KCNT2: variants seen among roughly 807,000 people sequenced by gnomAD.
The protein encoded by KCNT2 is potassium channel subfamily T member 2.
Under a neutral mutation model 153.8 loss-of-function variants are expected in KCNT2, and 67 were observed. The observed-to-expected ratio is 0.44, with a 90% CI of 0.36 to 0.53. The LOEUF (loss-of-function observed/expected upper bound fraction) is 0.53. Among genes scored for constraint, KCNT2 ranks in the 20% least tolerant of loss-of-function variants. The pLI is 0.00. For synonymous variants in KCNT2, 500 were observed against 458.8 expected (o/e 1.09, Z -1.15); for missense variants, 975 against 1,354.8 (o/e 0.72, Z 4.40).
chr1:196,269,239 C>T (rs1558084572), intron 25 of KCNT2, among the ~76,000 whole-genome samples: 1 of 152,146 alleles, frequency 6.6e-6, no homozygotes, highest in South Asian at 2.1e-4. Flanking sequence ...ATATGTTGAG[C>T]ACTTGTGCAA....
intron 22 of KCNT2, among the ~76,000 whole-genome samples, chr1:196,303,424 T>C (rs1281286052): frequency 6.6e-6 from 1 of 152,206 alleles, no homozygotes; most frequent in Non-Finnish European, 1.5e-5. Flanking sequence ...TTTTCCCTAA[T>C]GCAATAAGCA....
chr1:196,408,177 A>G (rs940158047), intron 12 of KCNT2, among the ~76,000 whole-genome samples: 2 of 151,616 alleles, frequency 1.3e-5, no homozygotes, highest in South Asian at 2.1e-4. Flanking sequence ...TTTTCACTAC[A>G]TGGGGCCACA....
chr1:196,351,280 T>C (rs1451092053), intron 14 of KCNT2, among the ~76,000 whole-genome samples: 2 of 152,186 alleles, frequency 1.3e-5, no homozygotes, highest in Non-Finnish European at 2.9e-5. Flanking sequence ...ATTGAATCTA[T>C]AAATTACCTT....
Position 196,340,423 on chromosome 1 carries a change from G to T in KCNT2, c.1701C>A (p.Asp567Glu), listed in dbSNP as rs985150462. The change falls in exon 16 of 28, where the codon GAC becomes GAA. Residue 567 changes from aspartate (D) to glutamate (E), a missense_variant. Physicochemically the swap from Asp to Glu is conservative, Grantham distance 45. This residue lies in a region of KCNT2 where 325 missense variants were observed against 388.1 expected (regional missense o/e 0.84). Coordinates refer to ENST00000294725, the MANE Select transcript of KCNT2 (RefSeq NM_198503.5). ...KEENSAFKNQ[D>E]QQRKSNVSRS... ...TGGACACATTGCTTTTTCTCTGCTG[G>T]TCTTGGTTTTTAAATGCTGAATTCT... The T allele has an allele frequency of 1.2e-6, 2 of 1,612,608 alleles. No individual in the cohort carries two copies. The highest frequency in any genetic ancestry group is 1.7e-5 in the Admixed American group (1 of 59,858).
intron 20 of KCNT2, among the ~76,000 whole-genome samples, chr1:196,316,305 CATGAAATAT>C (rs1258621151): frequency 6.6e-5 from 10 of 151,496 alleles, no homozygotes; most frequent in African/African-American, 1.7e-4. Context: ...TAATTATATA[CATGAAATAT>C]GGAATACATC....
At chr1:196,346,797 A>G (rs1470293856) in intron 14 of KCNT2, among the ~76,000 whole-genome samples, 1 of 152,182 alleles carries the variant, frequency 6.6e-6, no homozygotes, top group East Asian at 1.9e-4. Context: ...TTCTGCCACA[A>G]CATCTCACCC....
intron 1 of KCNT2, among the ~76,000 whole-genome samples, chr1:196,531,932 T>G (rs1184938674): frequency 6.6e-6 from 1 of 152,076 alleles, no homozygotes; most frequent in Admixed American, 6.6e-5. Context: ...CTAAATAGGT[T>G]TATCTGTGAG....
intron 14 of KCNT2, among the ~76,000 whole-genome samples, chr1:196,349,601 A>AGCCTTATTTCC (rs1666447489): frequency 1.3e-5 from 2 of 152,132 alleles, no homozygotes; most frequent in Admixed American, 1.3e-4. Flanking sequence ...GGTACACCCT[A>AGCCTTATTTCC]TAGACTCTAG....
intron 1 of KCNT2, among the ~76,000 whole-genome samples, chr1:196,564,243 T>A (rs1164985616): frequency 6.6e-6 from 1 of 151,624 alleles, no homozygotes; most frequent in Non-Finnish European, 1.5e-5. Flanking sequence ...TGAAAAAAAA[T>A]TCTTAATCCT....
At chr1:196,235,871 CT>C in intron 27 of KCNT2, 114 bp downstream of exon 27, 1 of 622,188 alleles carries the variant, frequency 1.6e-6, no homozygotes, top group Non-Finnish European at 2.8e-6. Flanking sequence ...TAGGTATAGA[CT>C]ATTTAAGCAC....
intron 8 of KCNT2, among the ~76,000 whole-genome samples, chr1:196,455,436 T>A (rs1676577932): frequency 6.6e-6 from 1 of 151,970 alleles, no homozygotes; most frequent in Non-Finnish European, 1.5e-5. Flanking sequence ...AGTGAAGTAA[T>A]TTTAGCACTA....
At chr1:196,257,456 C>G in intron 26 of KCNT2, 1 of 976,094 alleles carries the variant, frequency 1.0e-6, no homozygotes, top group Non-Finnish European at 1.2e-6. Context: ...CCTGGTTTAC[C>G]ATGTTACATA....
intron 14 of KCNT2, among the ~76,000 whole-genome samples, chr1:196,347,333 A>AGACT (rs1185703165): frequency 6.6e-6 from 1 of 152,158 alleles, no homozygotes. Flanking sequence ...ACTTAATTCA[A>AGACT]GACTGATTTT....
At chr1:196,548,466 C>T (rs1657414663) in intron 1 of KCNT2, among the ~76,000 whole-genome samples, 1 of 152,030 alleles carries the variant, frequency 6.6e-6, no homozygotes, top group Non-Finnish European at 1.5e-5. Flanking sequence ...TATCATCTCA[C>T]ACCAGTTAGA....
chr1:196,332,752 C>A (rs769990876), intron 17 of KCNT2, among the ~76,000 whole-genome samples: 6 of 151,194 alleles, frequency 4.0e-5, no homozygotes, highest in Non-Finnish European at 8.8e-5. Context: ...GTAGTAATTA[C>A]ACTCAGTTTA....
intron 8 of KCNT2, among the ~76,000 whole-genome samples, chr1:196,458,507 T>C (rs1676874656): frequency 6.6e-6 from 1 of 151,940 alleles, no homozygotes; most frequent in African/African-American, 2.4e-5. Flanking sequence ...CAAACTCTTA[T>C]GTTACCCTCT....
intron 23 of KCNT2, 141 bp downstream of exon 23, chr1:196,285,516 A>G: frequency 1.8e-6 from 1 of 552,720 alleles, no homozygotes; most frequent in Non-Finnish European, 3.2e-6. Context: ...CATTAAGTAC[A>G]TGAAATAAAA....
chr1:196,570,067 TAAAAAAAAAAAAA>T lies in KCNT2; in HGVS notation c.95+38135_95+38147del, dbSNP rs199836975. Among the ~76,000 whole-genome samples the T allele has an allele frequency of 9.9e-4, 133 of 133,746 alleles. 4 individuals carry two copies. Among genetic ancestry groups the T allele is most frequent in the African/African-American group, 4.5e-3 (124 of 27,562 alleles). The allele number at this position is 133,746 out of a possible 152,430, so 87.7% of individuals were successfully genotyped here. ...TGAGTCCAGGAAGCTTGAGCTAGAG[TAAAAAAAAAAAAA>T]AAAAAAAAAAAAAAAAAATTAAAGG... is the stretch of plus-strand genomic sequence containing the variant. On this transcript the variant is annotated intron_variant, in intron 1 of 27. Coordinates refer to ENST00000294725, the MANE Select transcript of KCNT2 (RefSeq NM_198503.5).
intron 1 of KCNT2, among the ~76,000 whole-genome samples, chr1:196,600,517 T>C (rs1484694069): frequency 3.0e-4 from 2 of 6,626 alleles, no homozygotes; most frequent in South Asian, 0.036. Context: ...GTGATTGTTT[T>C]AGGCAACAAA....
Sources: allele counts gnomAD v4.1 joint callset (sites outside exome capture counted in the v4.1 genomes callset), GRCh38; gene constraint gnomAD v4.1.1; regional missense constraint gnomAD v4.1.1; transcripts MANE v1.5; gene names NCBI Gene and HGNC (gene_info 2026-07-23, HGNC 2026-07-21).